MYOM1: variants seen among roughly 807,000 people sequenced by gnomAD.
The protein encoded by MYOM1 is myomesin-1.
Under a neutral mutation model 205.3 loss-of-function variants are expected in MYOM1, and 164 were observed. The observed-to-expected ratio is 0.80, with a 90% CI of 0.70 to 0.91. The LOEUF is 0.91. Ranked by LOEUF, MYOM1 falls within the 40% of genes least tolerant of loss-of-function variation. The pLI is 0.00. For missense variants in MYOM1, 2,011 were observed against 2,127.3 expected, an observed-to-expected ratio of 0.95 and a Z score of 1.08; for synonymous variants, 772 against 789.4, an observed-to-expected ratio of 0.98 and a Z score of 0.37.
Position 3,173,981 on chromosome 18 carries a change from A to G in MYOM1, c.1131T>C (p.Asp377=). Residue 377 remains aspartate, a synonymous_variant, in exon 8 of 38, where the codon GAT becomes GAC. Transcript: ENST00000356443. ...AAGCCCCAGCGTGGAAGCGAGTCTC[A>G]TCAAACTCTCCCTTATACCCTAGAG... ...VVVKRYKGEF[D]ETRFHAGAST... is the part of the protein sequence containing the mutation. 6.2e-7 allele frequency: 1 copy of G among 1,613,464 alleles called. No individual in the cohort carries two copies. Among genetic ancestry groups the G allele is most frequent in the East Asian group, 2.2e-5 (1 of 44,878 alleles).
chr18:3,127,593 A>G (rs8094000), intron 18 of MYOM1, among the ~76,000 whole-genome samples: 112,713 of 151,554 alleles, frequency 0.74, 42,392 homozygotes, highest in East Asian at 0.94. Context: ...ACAGGTGTGA[A>G]TCACCACACC....
At chr18:3,110,633 C>T (rs2079512024) in intron 22 of MYOM1, among the ~76,000 whole-genome samples, 1 of 152,144 alleles carries the variant, frequency 6.6e-6, no homozygotes. Context: ...GTCTAAAGTA[C>T]AGTTCACAAG....
the MYOM1 span, among the ~76,000 whole-genome samples, chr18:3,231,992 T>A: frequency 6.6e-6 from 1 of 151,984 alleles, no homozygotes; most frequent in Non-Finnish European, 1.5e-5. Flanking sequence ...AAGTTTCCAT[T>A]TCAGTTATTT....
rs1308647608 is a variant in MYOM1, at chr18:3,073,073, A to G, written c.4709-1184T>C. 5.4e-5 allele frequency among the ~76,000 whole-genome samples: 8 copies of G among 147,546 alleles called. No individual in the cohort carries two copies. The East Asian group carries it at 1.4e-3, about 26-fold the overall frequency. ...AGCCATCATCCTGCCTTGGCTTCCC[A>G]AAGTGTTAGGATTACAGGCACAAGC... On this transcript the variant is annotated intron_variant, in intron 36 of 37. Transcript: ENST00000356443.
At chr18:3,155,986 C>T (rs868091393) in intron 10 of MYOM1, among the ~76,000 whole-genome samples, 1 of 152,108 alleles carries the variant, frequency 6.6e-6, no homozygotes, top group Non-Finnish European at 1.5e-5. Flanking sequence ...AGTAAAAGTC[C>T]GGGATAATAC....
chr18:3,203,104 C>G (rs1182826317), intron 2 of MYOM1, among the ~76,000 whole-genome samples: 1 of 151,100 alleles, frequency 6.6e-6, no homozygotes, highest in East Asian at 1.9e-4. Context: ...TATATAAAAA[C>G]AAAAACACAA....
At chr18:3,076,541 A>G (rs1430481219) in intron 34 of MYOM1, among the ~76,000 whole-genome samples, 1 of 152,094 alleles carries the variant, frequency 6.6e-6, no homozygotes, top group African/African-American at 2.4e-5. Context: ...AAAAAGCACA[A>G]TGAGTTACTG....
intron 10 of MYOM1, among the ~76,000 whole-genome samples, chr18:3,156,844 T>C (rs1265533706): frequency 6.6e-6 from 1 of 151,964 alleles, no homozygotes; most frequent in Non-Finnish European, 1.5e-5. Flanking sequence ...CTCCTGACCT[T>C]GTGATCCGCC....
At position 3,193,789 on chromosome 18, in the gene MYOM1, T is replaced by G. The variant is rs768161025; in HGVS notation, c.431+29A>C. On this transcript the variant is annotated intron_variant, in intron 3 of 37. Transcript: ENST00000356443. ...GCACTTACTATATACTTCTTAAAAA[T>G]TAAAGCCAGGAAGAAAAAGCACACT... 3.7e-6 allele frequency: 6 copies of G among 1,602,120 alleles called. No homozygotes were observed. In the African/African-American group the frequency reaches 6.7e-5, roughly 18 times the overall value.
chr18:3,091,161 C>G lies in MYOM1; in HGVS notation c.3865-359G>C, dbSNP rs147860669. Among the ~76,000 whole-genome samples the G allele has an allele frequency of 3.2e-3, 490 of 152,072 alleles. 5 individuals are homozygous for G. Among genetic ancestry groups the G allele is most frequent in the African/African-American group, 0.011 (475 of 41,484 alleles). On this transcript the variant is annotated intron_variant, in intron 26 of 37. Coordinates refer to ENST00000356443, the MANE Select transcript of MYOM1 (RefSeq NM_003803.4). ...TGAAACCCCGTCTCTACTAAAAACACAAAAATTAGCCTGGTGTGGTGGGAT... is the reference window on the plus strand; with the variant it reads ...TGAAACCCCGTCTCTACTAAAAACAGAAAAATTAGCCTGGTGTGGTGGGAT...
chr18:3,127,305 A>ATATATATATATTTTTTTTT (rs56880961), intron 18 of MYOM1, among the ~76,000 whole-genome samples: 1 of 47,570 alleles, frequency 2.1e-5, no homozygotes, highest in African/African-American at 9.2e-5. Context: ...ATATATATAT[A>ATATATATATATTTTTTTTT]TTTTTTTTTT....
At chr18:3,237,573 T>C in the MYOM1 span, among the ~76,000 whole-genome samples, 7 of 117,688 alleles carry the variant, frequency 5.9e-5, no homozygotes, top group Non-Finnish European at 1.1e-4. Context: ...CACTCCAGCC[T>C]GGGCAACAGT....
intron 6 of MYOM1, among the ~76,000 whole-genome samples, chr18:3,175,712 G>C (rs1046423623): frequency 1.3e-5 from 2 of 152,132 alleles, no homozygotes; most frequent in African/African-American, 2.4e-5. Context: ...GAATATAAAT[G>C]CCTCTTTATG....
chr18:3,127,305 A>ATATATATATATATATATATATATATT (rs56880961), intron 18 of MYOM1, among the ~76,000 whole-genome samples: 1 of 47,580 alleles, frequency 2.1e-5, no homozygotes, highest in Non-Finnish European at 3.6e-5. Context: ...ATATATATAT[A>ATATATATATATATATATATATATATT]TTTTTTTTTT....
chr18:3,176,646 C>T (rs1204922891), intron 5 of MYOM1, among the ~76,000 whole-genome samples: 4 of 152,028 alleles, frequency 2.6e-5, no homozygotes, highest in Admixed American at 2.6e-4. Flanking sequence ...TTTGGGAAGC[C>T]GAGGCGGGCA....
chr18:3,070,778 G>A (rs1319577079), intron 37 of MYOM1, among the ~76,000 whole-genome samples: 1 of 150,854 alleles, frequency 6.6e-6, no homozygotes, highest in Non-Finnish European at 1.5e-5. Flanking sequence ...GTGTGTGCAC[G>A]TGTGTGTGTT....
intron 10 of MYOM1, among the ~76,000 whole-genome samples, chr18:3,163,644 A>G (rs8097391): frequency 0.22 from 33,645 of 151,546 alleles, 3,970 homozygotes; most frequent in East Asian, 0.37. Flanking sequence ...TGTAGAGATG[A>G]GATTTTACCA....
In MYOM1 at chr18:3,179,144, C is replaced by T. The variant is rs1281989710; in HGVS notation, c.930-3010G>A. On this transcript the variant is annotated intron_variant, in intron 5 of 37. Coordinates refer to ENST00000356443, the MANE Select transcript of MYOM1 (RefSeq NM_003803.4). This position sits in a 1 kb window ranked among gnomAD's most constrained non-coding sequence, Gnocchi z 4.4. ...TCGGCCTCCCAAAATGCTAGGATTA[C>T]AGCCATGAGCCACTGTGCCTGGCCT... Among the ~76,000 whole-genome samples, 1 of 151,696 alleles carries T rather than the reference C, an allele frequency of 6.6e-6. No homozygotes were observed. Among genetic ancestry groups the T allele is most frequent in the Non-Finnish European group, 1.5e-5 (1 of 67,932 alleles).
chr18:3,079,377 C>T, intron 33 of MYOM1, 35 bp from the exon 34 acceptor site: 1 of 1,589,628 alleles, frequency 6.3e-7, no homozygotes, highest in Non-Finnish European at 8.6e-7. Flanking sequence ...TTAGCATTTG[C>T]TTCCATCCAG....
Sources: allele counts gnomAD v4.1 joint callset (sites outside exome capture counted in the v4.1 genomes callset), GRCh38; gene constraint gnomAD v4.1.1; non-coding constraint Gnocchi (gnomAD v3.1); transcripts MANE v1.5; gene names NCBI Gene and HGNC (gene_info 2026-07-23, HGNC 2026-07-21).